GALNT7: variants seen among roughly 807,000 people sequenced by gnomAD.
GALNT7 encodes polypeptide N-acetylgalactosaminyltransferase 7, also known as N-acetylgalactosaminyltransferase 7.
Under a neutral mutation model 82.1 loss-of-function variants are expected in GALNT7, and 60 were observed. The observed-to-expected ratio is 0.73, with a 90% CI of 0.59 to 0.91. The LOEUF is 0.91. GALNT7 is among the 40% of genes least tolerant of loss of function. The pLI, the probability that GALNT7 is intolerant of heterozygous loss-of-function variation, is 0.00. For synonymous variants in GALNT7, 243 were observed against 275.1 expected, an observed-to-expected ratio of 0.88 and a Z score of 1.15; for missense variants, 660 against 804.2, an observed-to-expected ratio of 0.82 and a Z score of 2.17.
intron 2 of GALNT7, among the ~76,000 whole-genome samples, chr4:173,282,018 A>G (rs1736129614): frequency 6.6e-6 from 1 of 152,228 alleles, no homozygotes; most frequent in African/African-American, 2.4e-5. Flanking sequence ...AATAAGCGAA[A>G]GAAAGCACTT....
intron 6 of GALNT7, among the ~76,000 whole-genome samples, chr4:173,299,577 T>C (rs1008966506): frequency 3.9e-5 from 6 of 152,178 alleles, no homozygotes; most frequent in African/African-American, 1.4e-4. Flanking sequence ...CCGGGCAAGG[T>C]GGCTCACACC....
intron 2 of GALNT7, among the ~76,000 whole-genome samples, chr4:173,289,284 A>G (rs1736452610): frequency 6.6e-6 from 1 of 152,096 alleles, no homozygotes; most frequent in African/African-American, 2.4e-5. Flanking sequence ...GCACCTAAAT[A>G]TGTTGTAGTT....
At chr4:173,298,944 T>A (rs1193784047) in intron 6 of GALNT7, among the ~76,000 whole-genome samples, 1 of 152,262 alleles carries the variant, frequency 6.6e-6, no homozygotes, top group African/African-American at 2.4e-5. Context: ...TTCTTGTGGT[T>A]CTTTCAGTAG....
chr4:173,243,578 G>A (rs912306731), intron 1 of GALNT7, among the ~76,000 whole-genome samples: 1 of 152,162 alleles, frequency 6.6e-6, no homozygotes, highest in African/African-American at 2.4e-5. Flanking sequence ...GGGGAGTAAA[G>A]TATTACACCA....
At chr4:173,261,934 AATTC>A (rs1334444783) in intron 2 of GALNT7, among the ~76,000 whole-genome samples, 2 of 152,220 alleles carry the variant, frequency 1.3e-5, no homozygotes, top group African/African-American at 4.8e-5. Flanking sequence ...TTTAATCGTT[AATTC>A]ATTTAAGAAT....
At chr4:173,226,423 C>T (rs1344160127) in intron 1 of GALNT7, among the ~76,000 whole-genome samples, 1 of 152,138 alleles carries the variant, frequency 6.6e-6, no homozygotes, top group East Asian at 1.9e-4. Flanking sequence ...CTCCAGTCCT[C>T]AACATTTTAC....
chr4:173,319,548 G>T (rs992919158), intron 11 of GALNT7, among the ~76,000 whole-genome samples: 3 of 151,994 alleles, frequency 2.0e-5, no homozygotes, highest in Non-Finnish European at 4.4e-5. Flanking sequence ...ATATATAATA[G>T]CAATAAATAG....
Position 173,248,242 on chromosome 4 carries a change from G to A in GALNT7, c.389G>A (p.Gly130Glu), listed in dbSNP as rs143737171. 49 of 1,613,798 alleles carry A rather than the reference G, an allele frequency of 3.0e-5. No homozygotes were observed. The African/African-American group carries it at 5.2e-4, about 17-fold the overall frequency. Residue 130 changes from glycine (G) to glutamate (E), a missense_variant, in exon 2 of 12, where the codon GGG becomes GAG. Coordinates refer to ENST00000265000, the MANE Select transcript of GALNT7 (RefSeq NM_017423.3). ...FTYHDPVLRP[G>E]ILGNFEPKEP... ...TACCATGATCCTGTGCTTCGCCCAG[G>A]GATCCTCGGTAACTTTGAACCCAAA...
intron 1 of GALNT7, among the ~76,000 whole-genome samples, chr4:173,211,055 T>G (rs1010188127): frequency 9.2e-5 from 14 of 152,192 alleles, no homozygotes; most frequent in African/African-American, 3.4e-4. Flanking sequence ...CCATTTGATA[T>G]CTGATGTGTA....
chr4:173,182,470 T>C (rs1339560404), intron 1 of GALNT7, among the ~76,000 whole-genome samples: 1 of 152,192 alleles, frequency 6.6e-6, no homozygotes, highest in Admixed American at 6.5e-5. Flanking sequence ...TTATGAGGCC[T>C]GGAATTTGAG....
chr4:173,247,931 GGT>G, intron 1 of GALNT7, 47 bp from the exon 2 acceptor site: 2 of 1,214,112 alleles, frequency 1.6e-6, no homozygotes, highest in Non-Finnish European at 2.4e-6. Flanking sequence ...GCTCTACTGT[GGT>G]GGTTTGCCTT....
intron 2 of GALNT7, among the ~76,000 whole-genome samples, chr4:173,266,868 G>GGTGTGTGTGTGTGTGT (rs71596614): frequency 6.3e-5 from 6 of 95,076 alleles, no homozygotes; most frequent in Non-Finnish European, 1.2e-4. Context: ...GGCTGGGAAG[G>GGTGTGTGTGTGTGTGT]GTGTGTGTGT....
intron 1 of GALNT7, among the ~76,000 whole-genome samples, chr4:173,223,203 A>G (rs576616289): frequency 6.6e-6 from 1 of 152,288 alleles, no homozygotes; most frequent in Admixed American, 6.5e-5. Context: ...AAAAAGTCAG[A>G]TCACACAGTC....
At chr4:173,182,278 A>T (rs1026208198) in intron 1 of GALNT7, among the ~76,000 whole-genome samples, 6 of 152,240 alleles carry the variant, frequency 3.9e-5, no homozygotes, top group African/African-American at 1.2e-4. Flanking sequence ...GTTAAGGAAT[A>T]GATGCTTTTT....
intron 1 of GALNT7, among the ~76,000 whole-genome samples, chr4:173,174,422 A>G (rs958928115): frequency 6.6e-6 from 1 of 152,206 alleles, no homozygotes; most frequent in Non-Finnish European, 1.5e-5. Context: ...AATTTTATGG[A>G]AGGCACATAT....
At chr4:173,227,521 C>T (rs572156273) in intron 1 of GALNT7, among the ~76,000 whole-genome samples, 9 of 152,174 alleles carry the variant, frequency 5.9e-5, no homozygotes, top group Middle Eastern at 3.4e-3. Flanking sequence ...TTAGTAGAGA[C>T]GGGGTTTCAC....
chr4:173,304,079 T>G lies in GALNT7; in HGVS notation c.1350T>G (p.Asn450Lys). 6.2e-7 allele frequency: 1 copy of G among 1,613,744 alleles called. No individual in the cohort carries two copies. Among genetic ancestry groups the G allele is most frequent in the East Asian group, 2.2e-5 (1 of 44,852 alleles). ...HIYRLEGWQG[N>K]PPPIYVGSSP... ...ACCGTCTTGAGGGCTGGCAAGGAAA[T>G]CCTCCGCCCATTTATGTTGGGTCTT... Residue 450 changes from asparagine to lysine, a missense_variant, in exon 8 of 12, where the codon AAT becomes AAG. By Grantham distance (94) the Asn-to-Lys change is moderately conservative. Coordinates refer to ENST00000265000, the MANE Select transcript of GALNT7 (RefSeq NM_017423.3).
chr4:173,299,494 C>T (rs1263579111), intron 6 of GALNT7, among the ~76,000 whole-genome samples: 1 of 152,006 alleles, frequency 6.6e-6, no homozygotes, highest in Non-Finnish European at 1.5e-5. Flanking sequence ...TCACTGGTGA[C>T]CATGTTAAGA....
At chr4:173,266,913 G>T (rs1233875107) in intron 2 of GALNT7, among the ~76,000 whole-genome samples, 1 of 148,194 alleles carries the variant, frequency 6.7e-6, no homozygotes, top group African/African-American at 2.5e-5. Flanking sequence ...GTGTGTGTGT[G>T]TGTGTGTGTG....
Sources: gnomAD v4.1 joint callset for allele counts (sites outside exome capture counted in the v4.1 genomes callset) on GRCh38, gnomAD v4.1.1 for gene constraint, MANE v1.5 for transcripts, NCBI Gene and HGNC (gene_info 2026-07-23, HGNC 2026-07-21) for gene names.